The following EPHB1 variants were observed in gnomAD, a reference collection of about 807,000 sequenced individuals.
EPHB1 encodes EPH receptor B1.
Under a neutral mutation model 94.4 loss-of-function variants are expected in EPHB1, and 30 were observed. The ratio of observed to expected loss-of-function variants is 0.32; its 90% CI spans 0.24 to 0.43. The LOEUF (loss-of-function observed/expected upper bound fraction) is 0.43. EPHB1 is among the 20% of genes least tolerant of loss of function. The pLI is 1.00. For synonymous variants in EPHB1, 522 were observed against 489.1 expected (o/e 1.07, Z -0.89); for missense variants, 1,055 against 1,308.3 (o/e 0.81, Z 2.99).
intron 5 of EPHB1, among the ~76,000 whole-genome samples, chr3:135,147,151 C>T (rs1233972801): frequency 6.6e-6 from 1 of 152,162 alleles, no homozygotes. Flanking sequence ...TTTATTTCTG[C>T]TAACTCCTGC....
intron 4 of EPHB1, among the ~76,000 whole-genome samples, chr3:135,122,525 C>T (rs1279949161): frequency 6.6e-6 from 1 of 152,158 alleles, no homozygotes; most frequent in Non-Finnish European, 1.5e-5. Flanking sequence ...CTATCCATCT[C>T]CCGCATGGAT....
At position 135,201,515 on chromosome 3, in the gene EPHB1, G is replaced by T. The variant is rs758608839; in HGVS notation, c.2172G>T (p.Met724Ile). ...GQFTVIQLVG[M>I]LRGIAAGMKY... ...TCACCGTGATCCAGCTTGTGGGTAT[G>T]CTCAGGGGCATCGCTGCTGGCATGA... Residue 724 changes from methionine to isoleucine, a missense_variant, in exon 12 of 16, where the codon ATG becomes ATT. Met to Ile is a conservative substitution (Grantham distance 10). Transcript: ENST00000398015. 6.2e-7 allele frequency: 1 copy of T among 1,614,034 alleles called. No individual in the cohort carries two copies. The highest frequency in any genetic ancestry group is 8.5e-7 in the Non-Finnish European group (1 of 1,179,994).
chr3:134,911,614 A>T (rs1399869580), intron 1 of EPHB1, among the ~76,000 whole-genome samples: 1 of 151,922 alleles, frequency 6.6e-6, no homozygotes, highest in East Asian at 1.9e-4. Context: ...GGCCATGAAG[A>T]CTGTATGTGA....
At chr3:135,099,810 G>C (rs568593793) in intron 3 of EPHB1, among the ~76,000 whole-genome samples, 2 of 152,196 alleles carry the variant, frequency 1.3e-5, no homozygotes, top group African/African-American at 4.8e-5. Context: ...GCTTCTGAGA[G>C]AGGCTTTTCT....
At chr3:134,913,871 G>A (rs781520693) in intron 1 of EPHB1, among the ~76,000 whole-genome samples, 3 of 152,212 alleles carry the variant, frequency 2.0e-5, no homozygotes, top group Non-Finnish European at 2.9e-5. Flanking sequence ...GGTGGTGGTC[G>A]GTGGTGCTGT....
chr3:135,035,525 T>A (rs1399228943), intron 3 of EPHB1, among the ~76,000 whole-genome samples: 1 of 152,134 alleles, frequency 6.6e-6, no homozygotes, highest in East Asian at 1.9e-4. Flanking sequence ...TTAAAGTACA[T>A]CCTAGGGAGC....
intron 5 of EPHB1, among the ~76,000 whole-genome samples, chr3:135,145,289 T>C (rs1360426949): frequency 6.6e-6 from 1 of 152,198 alleles, no homozygotes; most frequent in African/African-American, 2.4e-5. Context: ...TTAGTTGACA[T>C]TTAAATACAA....
At chr3:135,003,367 C>G (rs1103318) in intron 3 of EPHB1, among the ~76,000 whole-genome samples, 168 of 148,318 alleles carry the variant, frequency 1.1e-3, no homozygotes, top group South Asian at 4.6e-3. Flanking sequence ...CTGAGGAGAG[C>G]TTTACTTCCA....
intron 3 of EPHB1, among the ~76,000 whole-genome samples, chr3:135,041,074 A>G (rs376320600): frequency 6.6e-6 from 1 of 152,148 alleles, no homozygotes; most frequent in African/African-American, 2.4e-5. Context: ...GGTAAAGGAT[A>G]TATTCCACCA....
intron 12 of EPHB1, among the ~76,000 whole-genome samples, chr3:135,210,258 ATGATTT>A (rs1192968703): frequency 1.3e-5 from 2 of 152,220 alleles, no homozygotes; most frequent in African/African-American, 2.4e-5. Context: ...AATTTTCCAT[ATGATTT>A]TGATACTTAG....
chr3:135,144,829 G>A (rs1190096263), intron 5 of EPHB1, among the ~76,000 whole-genome samples: 1 of 152,190 alleles, frequency 6.6e-6, no homozygotes, highest in Admixed American at 6.5e-5. Flanking sequence ...ACAGAGCAGA[G>A]CTACACACCC....
At chr3:134,992,054 C>T (rs183699461) in intron 3 of EPHB1, among the ~76,000 whole-genome samples, 9 of 152,272 alleles carry the variant, frequency 5.9e-5, no homozygotes, top group Admixed American at 5.9e-4. Context: ...TTTTTAGCTG[C>T]ATTTTAGAAA....
At chr3:135,242,450 C>T (rs1260702323) in intron 13 of EPHB1, among the ~76,000 whole-genome samples, 1 of 152,176 alleles carries the variant, frequency 6.6e-6, no homozygotes, top group Non-Finnish European at 1.5e-5. Context: ...AGTGCCATGG[C>T]AGCTGCTCGG....
intron 11 of EPHB1, among the ~76,000 whole-genome samples, chr3:135,198,997 A>G (rs543024055): frequency 1.3e-5 from 2 of 152,236 alleles, no homozygotes; most frequent in Non-Finnish European, 2.9e-5. Flanking sequence ...TATAAAATTT[A>G]TAATCTAAAT....
chr3:134,978,122 C>T (rs1054652443), intron 3 of EPHB1: 4 of 398,988 alleles, frequency 1.0e-5, no homozygotes, highest in African/African-American at 8.4e-5. Context: ...CCAAGTTTTC[C>T]CTTTCTCCCC....
chr3:134,995,876 A>G (rs997829467), intron 3 of EPHB1, among the ~76,000 whole-genome samples: 30 of 152,248 alleles, frequency 2.0e-4, no homozygotes, highest in African/African-American at 7.0e-4. Context: ...ACAAATAAAC[A>G]TAAAGAAACT....
intron 3 of EPHB1, among the ~76,000 whole-genome samples, chr3:135,038,404 T>C (rs143747042): frequency 6.6e-6 from 1 of 152,198 alleles, no homozygotes; most frequent in African/African-American, 2.4e-5. Flanking sequence ...AGTAAACATG[T>C]AAGTCCTGCT....
At chr3:134,806,020 T>C (rs1235116638) in intron 1 of EPHB1, among the ~76,000 whole-genome samples, 1 of 152,078 alleles carries the variant, frequency 6.6e-6, no homozygotes, top group Non-Finnish European at 1.5e-5. Context: ...ACATGGCACA[T>C]AGGAGGTGTC....
At chr3:135,124,265 C>G (rs1940103575) in intron 4 of EPHB1, among the ~76,000 whole-genome samples, 1 of 151,724 alleles carries the variant, frequency 6.6e-6, no homozygotes, top group Admixed American at 6.6e-5. Flanking sequence ...TCCAGATGGC[C>G]TCTGCTCTGA....
Sources: allele counts gnomAD v4.1 joint callset (sites outside exome capture counted in the v4.1 genomes callset), GRCh38; gene constraint gnomAD v4.1.1; transcripts MANE v1.5; gene names NCBI Gene and HGNC (gene_info 2026-07-23, HGNC 2026-07-21).